The following BAIAP2 variants were observed in gnomAD, a reference collection of about 807,000 sequenced individuals.
BAIAP2 encodes BAR/IMD domain containing adaptor protein 2, also known as BAR/IMD domain-containing adapter protein 2.
Under a neutral mutation model 63.0 loss-of-function variants are expected in BAIAP2, and 18 were observed. The observed-to-expected ratio is 0.29, with a 90% confidence interval of 0.20 to 0.42. The LOEUF is 0.42. Ranked by LOEUF, BAIAP2 falls within the 10% of genes least tolerant of loss-of-function variation. The pLI, the probability that BAIAP2 is intolerant of heterozygous loss-of-function variation, is 1.00. For missense variants in BAIAP2, 610 were observed against 734.3 expected (o/e 0.83, Z 1.96); for synonymous variants, 386 against 307.6 (o/e 1.25, Z -2.67).
chr17:81,096,712 G>T (rs1168132131), intron 6 of BAIAP2, among the ~76,000 whole-genome samples: 2 of 152,280 alleles, frequency 1.3e-5, no homozygotes, highest in African/African-American at 2.4e-5. Context: ...GCGGGCTCAG[G>T]TGTCCTCCTC....
intron 6 of BAIAP2, among the ~76,000 whole-genome samples, chr17:81,093,630 C>T (rs2057164702): frequency 6.6e-6 from 1 of 152,068 alleles, no homozygotes; most frequent in Non-Finnish European, 1.5e-5. Context: ...GCTCTGCTCA[C>T]TGTAATGCAG....
chr17:81,100,161 C>T (rs1171031486), intron 7 of BAIAP2, 81 bp downstream of exon 7: 2 of 1,483,556 alleles, frequency 1.3e-6, no homozygotes, highest in South Asian at 1.3e-5. Flanking sequence ...CAGCCCCAGC[C>T]CCGTGAACAC....
chr17:81,050,098 G>A (rs2048422912), intron 1 of BAIAP2, among the ~76,000 whole-genome samples: 1 of 152,230 alleles, frequency 6.6e-6, no homozygotes, highest in African/African-American at 2.4e-5. Flanking sequence ...AGGGGTGGGT[G>A]GCACCTACAG....
At chr17:81,041,804 T>C (rs1288858490) in intron 1 of BAIAP2, among the ~76,000 whole-genome samples, 1 of 152,198 alleles carries the variant, frequency 6.6e-6, no homozygotes, top group Non-Finnish European at 1.5e-5. Flanking sequence ...ACTCCCAACC[T>C]CAGGTGATCC....
rs1376688427 is a variant in BAIAP2, at chr17:81,046,938, G to A, written c.55-6730G>A. On this transcript the variant is annotated intron_variant, in intron 1 of 13. Transcript: ENST00000428708. This position sits in a 1 kb window ranked among gnomAD's most constrained non-coding sequence, Gnocchi z 4.5. ...TGGGGGAAGCCCCTCTGGCACTGCC[G>A]GCCCCGCAGCTGCCACCGGCTTCTG... is the stretch of plus-strand genomic sequence containing the variant. Among the ~76,000 whole-genome samples the A allele has an allele frequency of 2.6e-5, 4 of 152,210 alleles. No individual in the cohort carries two copies. Among genetic ancestry groups the A allele is most frequent in the Non-Finnish European group, 5.9e-5 (4 of 68,028 alleles).
chr17:81,075,747 CTA>C (rs1475487978), intron 3 of BAIAP2, among the ~76,000 whole-genome samples: 1 of 152,212 alleles, frequency 6.6e-6, no homozygotes, highest in African/African-American at 2.4e-5. Flanking sequence ...ACTTAGAACA[CTA>C]TGGCAGCCTT....
intron 3 of BAIAP2, among the ~76,000 whole-genome samples, chr17:81,062,074 C>T (rs998008343): frequency 1.3e-5 from 2 of 152,102 alleles, no homozygotes; most frequent in Non-Finnish European, 2.9e-5. Context: ...TCCCAAGTAG[C>T]TGGCATTATA....
In BAIAP2 at chr17:81,057,745, C is replaced by T. The variant is rs535971945; in HGVS notation, c.131-136C>T. ...GTTCTGTCCAACCCAGAAATCACAG[C>T]GAGTCGAGTATTCTCCCAGCTTGTC... On this transcript the variant is annotated intron_variant, in intron 2 of 13. Coordinates refer to ENST00000428708, the MANE Select transcript of BAIAP2 (RefSeq NM_001144888.2). 1.2e-3 allele frequency: 1,654 copies of T among 1,412,180 alleles called. 1 individual carries two copies. Among genetic ancestry groups the T allele is most frequent in the Non-Finnish European group, 1.4e-3 (1,507 of 1,084,648 alleles). The allele number at this position is 1,412,180 out of a possible 1,614,324, so 87.5% of individuals were successfully genotyped here.
rs2050546042 is a variant in BAIAP2 at position 81,061,499 on chromosome 17, A to G, written c.217+3532A>G. Among the ~76,000 whole-genome samples, 8 of 152,264 alleles carry G rather than the reference A, an allele frequency of 5.3e-5. No individual in the cohort carries two copies. In the South Asian group the frequency reaches 1.7e-3, roughly 32 times the overall value. ...CTGTAATTTAGCATGCATTTGCTGG[A>G]GTTTTACATACATGGAACCATACGG... On this transcript the variant is annotated intron_variant, in intron 3 of 13. Coordinates refer to ENST00000428708, the MANE Select transcript of BAIAP2 (RefSeq NM_001144888.2).
At chr17:81,068,792 TG>T (rs1297149370) in intron 3 of BAIAP2, among the ~76,000 whole-genome samples, 1 of 152,134 alleles carries the variant, frequency 6.6e-6, no homozygotes, top group Admixed American at 6.5e-5. Context: ...TTTCTCAGGA[TG>T]GGGGGCCATA....
intron 3 of BAIAP2, among the ~76,000 whole-genome samples, chr17:81,071,105 T>TTC (rs1203142300): frequency 1.3e-5 from 2 of 151,276 alleles, no homozygotes; most frequent in Admixed American, 6.6e-5. Flanking sequence ...ATTGATTTTT[T>TTC]TTTTTTCCCC....
At chr17:81,110,979 C>G in intron 13 of BAIAP2, 1 of 1,613,678 alleles carries the variant, frequency 6.2e-7, no homozygotes, top group South Asian at 1.1e-5. Context: ...CTGGCGTTCT[C>G]GTGCAGTCAC....
intron 5 of BAIAP2, 67 bp downstream of exon 5, chr17:81,085,792 A>G (rs917470964): frequency 1.3e-5 from 17 of 1,283,778 alleles, no homozygotes; most frequent in Non-Finnish European, 1.9e-5. Context: ...AATGCCTGCC[A>G]CTCCTTCCTC....
intron 6 of BAIAP2, among the ~76,000 whole-genome samples, chr17:81,093,113 GC>G (rs2057069710): frequency 7.8e-6 from 1 of 128,554 alleles, no homozygotes; most frequent in African/African-American, 2.8e-5. Context: ...GCTGGGCTGG[GC>G]TGGGCTGGGC....
At chr17:81,098,839 C>T (rs530574192) in intron 6 of BAIAP2, among the ~76,000 whole-genome samples, 3 of 152,228 alleles carry the variant, frequency 2.0e-5, no homozygotes, top group Non-Finnish European at 4.4e-5. Context: ...GGGTGGGGAC[C>T]GCCTGCTGGC....
chr17:81,107,965 C>T (rs1355050418), intron 12 of BAIAP2: 1 of 166,358 alleles, frequency 6.0e-6, no homozygotes, highest in Non-Finnish European at 1.3e-5. Context: ...ACAGCCAGCC[C>T]CAGCGCCACA....
chr17:81,059,025 T>C (rs1157111184), intron 3 of BAIAP2, among the ~76,000 whole-genome samples: 2 of 152,152 alleles, frequency 1.3e-5, no homozygotes, highest in African/African-American at 4.8e-5. Flanking sequence ...CAGCTTTGCC[T>C]GTCCAGGCCC....
intron 13 of BAIAP2, among the ~76,000 whole-genome samples, chr17:81,113,481 C>T (rs1220222585): frequency 6.6e-6 from 1 of 152,244 alleles, no homozygotes; most frequent in Non-Finnish European, 1.5e-5. Context: ...GAGCTCCCCG[C>T]CGGCCTCCTG....
intron 3 of BAIAP2, among the ~76,000 whole-genome samples, chr17:81,075,117 C>T (rs2053440387): frequency 6.6e-6 from 1 of 152,242 alleles, no homozygotes; most frequent in Non-Finnish European, 1.5e-5. Flanking sequence ...CTCGGCTCAG[C>T]TCACCCACAG....
Sources: allele counts gnomAD v4.1 joint callset (sites outside exome capture counted in the v4.1 genomes callset), GRCh38; gene constraint gnomAD v4.1.1; non-coding constraint Gnocchi (gnomAD v3.1); transcripts MANE v1.5; gene names NCBI Gene and HGNC (gene_info 2026-07-23, HGNC 2026-07-21).